The following CD96 variants were observed in gnomAD, a reference collection of about 807,000 sequenced individuals.
CD96 encodes CD96 molecule.
Under a neutral mutation model 71.3 loss-of-function variants are expected in CD96, and 70 were observed. That is an observed-to-expected ratio of 0.98 (90% CI 0.81 to 1.20). The LOEUF (loss-of-function observed/expected upper bound fraction) is 1.20. Among genes scored for constraint, CD96 ranks in the 50% most tolerant of loss-of-function variants. The pLI, the probability that CD96 is intolerant of heterozygous loss-of-function variation, is 0.00. For missense variants in CD96, 742 were observed against 677.5 expected, an observed-to-expected ratio of 1.10 and a Z score of -1.06; for synonymous variants, 248 against 233.0, an observed-to-expected ratio of 1.06 and a Z score of -0.59.
intron 2 of CD96, among the ~76,000 whole-genome samples, chr3:111,566,185 T>A (rs1935703127): frequency 6.6e-6 from 1 of 151,680 alleles, no homozygotes; most frequent in African/African-American, 2.4e-5. Flanking sequence ...AACATATATA[T>A]ATATATTCAC....
At position 111,545,309 on chromosome 3, in the gene CD96, T is replaced by C; in HGVS notation, c.325T>C (p.Ser109Pro). 1 of 1,614,118 alleles carries C rather than the reference T, an allele frequency of 6.2e-7. No homozygotes were observed. The highest frequency in any genetic ancestry group is 1.1e-5 in the South Asian group (1 of 91,080). ...SKWTLHLRNM[S>P]CSVSGRYECM... ...ATGGACTCTGCACTTAAGGAATATG[T>C]CTTGTTCAGTCAGTGGAAGGTACGA... The change falls in exon 2 of 14, where the codon TCT (serine) becomes CCT (proline). Residue 109 changes from serine to proline, a missense_variant. Transcript: ENST00000352690.
At chr3:111,581,711 C>T (rs1936475049) in intron 4 of CD96, among the ~76,000 whole-genome samples, 1 of 152,242 alleles carries the variant, frequency 6.6e-6, no homozygotes, top group Non-Finnish European at 1.5e-5. Flanking sequence ...ACCCTGTCAC[C>T]TCTGCAATTT....
At position 111,624,436 on chromosome 3, in the gene CD96, CTGG is replaced by C. The variant is rs1481805730; in HGVS notation, c.1321+33_1321+35del. ...TATAATCGTGGGTCCCTTGAGTCCT[CTGG>C]ACTTCAGTCATTCATCCGACAGATA... On this transcript the variant is annotated intron_variant, in intron 10 of 13. Transcript: ENST00000352690. 8.9e-6 allele frequency: 11 copies of C among 1,231,544 alleles called. No individual in the cohort carries two copies. The East Asian group carries it at 2.5e-4, about 29-fold the overall frequency. 76.3% of individuals were successfully genotyped at this position (1,231,544 alleles called of 1,614,324 possible). A position where few individuals can be genotyped will look rare whatever the true frequency, so the allele number is the denominator to read the frequency against.
chr3:111,661,577 A>G (rs1006078785), intron 14 of CD96, among the ~76,000 whole-genome samples: 9 of 152,212 alleles, frequency 5.9e-5, no homozygotes, highest in African/African-American at 2.2e-4. Flanking sequence ...CCCATTCTGA[A>G]AGGGAGAAAT....
chr3:111,555,470 G>A (rs565485898), intron 2 of CD96, among the ~76,000 whole-genome samples: 76 of 152,392 alleles, frequency 5.0e-4, no homozygotes, highest in Non-Finnish European at 9.0e-4. Context: ...TAATTTCAAT[G>A]GATATAGAAT....
At chr3:111,593,170 C>T (rs1937074407) in intron 5 of CD96, 1 of 169,880 alleles carries the variant, frequency 5.9e-6, no homozygotes, top group Admixed American at 5.7e-5. Context: ...AGCTACCTAA[C>T]CAGCCTCAGC....
chr3:111,659,400 T>C (rs1215119880), intron 14 of CD96, among the ~76,000 whole-genome samples: 2 of 152,182 alleles, frequency 1.3e-5, no homozygotes, highest in Admixed American at 6.5e-5. Flanking sequence ...TTTTTACTTC[T>C]GTTAGCTTTG....
chr3:111,588,794 C>G (rs1333112141), intron 5 of CD96, among the ~76,000 whole-genome samples: 5 of 152,292 alleles, frequency 3.3e-5, no homozygotes, highest in Admixed American at 6.5e-5. Context: ...AACCATATCA[C>G]TGCTATTATA....
At chr3:111,593,447 C>T in intron 5 of CD96, 2 of 1,425,798 alleles carry the variant, frequency 1.4e-6, no homozygotes, top group Middle Eastern at 1.9e-4. Context: ...AGCAAAATGT[C>T]ACCAAACTAC....
At chr3:111,573,158 T>C (rs1936064754) in intron 3 of CD96, among the ~76,000 whole-genome samples, 1 of 152,196 alleles carries the variant, frequency 6.6e-6, no homozygotes, top group Non-Finnish European at 1.5e-5. Flanking sequence ...ATCTTATGCA[T>C]TGGGACATAA....
chr3:111,617,642 C>T (rs1176828783), intron 8 of CD96, among the ~76,000 whole-genome samples: 1 of 152,190 alleles, frequency 6.6e-6, no homozygotes, highest in Non-Finnish European at 1.5e-5. Flanking sequence ...CTACCCACTT[C>T]AGGTCTCCTG....
intron 10 of CD96, among the ~76,000 whole-genome samples, chr3:111,631,442 G>A (rs1032694332): frequency 6.6e-6 from 1 of 152,044 alleles, no homozygotes; most frequent in Non-Finnish European, 1.5e-5. Context: ...GCTAACAAAG[G>A]AAGTGAAGAG....
intron 14 of CD96, among the ~76,000 whole-genome samples, chr3:111,664,862 A>G (rs922195362): frequency 2.0e-5 from 3 of 152,242 alleles, no homozygotes; most frequent in Non-Finnish European, 4.4e-5. Context: ...TATTAGATCA[A>G]CTGACAAAAT....
intron 3 of CD96, chr3:111,577,467 T>G: frequency 6.7e-7 from 1 of 1,498,926 alleles, no homozygotes; most frequent in Non-Finnish European, 9.3e-7. Flanking sequence ...TGTAATACAG[T>G]CTTTCTCCCT....
At position 111,651,698 on chromosome 3, in the gene CD96, CAG is replaced by C; in HGVS notation, c.*1893_*1894del. 6.6e-6 allele frequency: 1 copy of C among 152,050 alleles called. No individual in the cohort carries two copies. The highest frequency in any genetic ancestry group is 2.1e-4 in the South Asian group (1 of 4,796). 9.4% of individuals were successfully genotyped at this position (152,050 alleles called of 1,614,324 possible). On this transcript the variant is annotated 3_prime_UTR_variant, in exon 14 of 14. Transcript: ENST00000352690. Reference sequence around the variant, plus strand: ...GAGATCGAGACCATCCTGGCTAACACAGTGAAACCCCGTCTCTACTAAAAATA... The same window carrying C: ...GAGATCGAGACCATCCTGGCTAACACTGAAACCCCGTCTCTACTAAAAATA...
downstream of CD96, among the ~76,000 whole-genome samples, chr3:111,655,115 A>G (rs1027047324): frequency 3.9e-5 from 6 of 152,200 alleles, no homozygotes; most frequent in Non-Finnish European, 7.4e-5. Context: ...TCTTACAGAT[A>G]ATTGGGTTGC....
Position 111,561,499 on chromosome 3 carries a change from G to A in CD96, c.419-6024G>A, listed in dbSNP as rs1463877878. On this transcript the variant is annotated intron_variant, in intron 2 of 13. Transcript: ENST00000352690. ...GGTGTCAGTGTGCCCCTGCTGCGGG[G>A]TGCCTCCCAGTTAGGCTGCTCGGGG... 5.4e-5 allele frequency among the ~76,000 whole-genome samples: 8 copies of A among 147,326 alleles called. No individual in the cohort carries two copies. The South Asian group carries it at 1.2e-3, about 22-fold the overall frequency.
intron 12 of CD96, among the ~76,000 whole-genome samples, chr3:111,643,728 A>G (rs1939698565): frequency 8.7e-6 from 1 of 115,532 alleles, no homozygotes. Flanking sequence ...CCCTTTTACA[A>G]TAGCTGCAAA....
At chr3:111,556,601 T>A (rs1935061467) in intron 2 of CD96, among the ~76,000 whole-genome samples, 1 of 135,050 alleles carries the variant, frequency 7.4e-6, no homozygotes, top group Non-Finnish European at 1.6e-5. Flanking sequence ...ATCCAGTCTA[T>A]CATTGTTGGA....
Sources: gnomAD v4.1 joint callset for allele counts (sites outside exome capture counted in the v4.1 genomes callset) on GRCh38, gnomAD v4.1.1 for gene constraint, MANE v1.5 for transcripts, NCBI Gene and HGNC (gene_info 2026-07-23, HGNC 2026-07-21) for gene names.